SLC8B1: variants seen among roughly 807,000 people sequenced by gnomAD.
The protein encoded by SLC8B1 is solute carrier family 8 member B1.
Under a neutral mutation model 63.4 loss-of-function variants are expected in SLC8B1, and 52 were observed. The ratio of observed to expected loss-of-function variants is 0.82; its 90% CI spans 0.66 to 1.03. The LOEUF (loss-of-function observed/expected upper bound fraction) is 1.03, where lower values mean the gene tolerates loss of function less well. Among genes scored for constraint, SLC8B1 ranks in the 50% least tolerant of loss-of-function variants. SLC8B1 has a pLI of 0.00. For missense variants in SLC8B1, 657 were observed against 741.7 expected, an observed-to-expected ratio of 0.89 and a Z score of 1.33; for synonymous variants, 336 against 323.9, an observed-to-expected ratio of 1.04 and a Z score of -0.40.
At chr12:113,306,117 A>C (rs1189151457) in intron 14 of SLC8B1, among the ~76,000 whole-genome samples, 1 of 150,898 alleles carries the variant, frequency 6.6e-6, no homozygotes, top group Non-Finnish European at 1.5e-5. Flanking sequence ...CCTTTTAGAA[A>C]AAGTCTGCCA....
At chr12:113,312,182 C>T (rs1261575469) in intron 11 of SLC8B1, among the ~76,000 whole-genome samples, 1 of 152,028 alleles carries the variant, frequency 6.6e-6, no homozygotes, top group East Asian at 1.9e-4. Context: ...ACCTATAATC[C>T]CAGCACTTTG....
chr12:113,319,552 C>T (rs1301457046), intron 7 of SLC8B1, among the ~76,000 whole-genome samples: 3 of 152,178 alleles, frequency 2.0e-5, no homozygotes, highest in Non-Finnish European at 4.4e-5. Flanking sequence ...TCACTGGGCT[C>T]CACCACCCCC....
At position 113,305,431 on chromosome 12, in the gene SLC8B1, G is replaced by T. The variant is rs1956657172; in HGVS notation, c.1493-1046C>A. 6.6e-6 allele frequency among the ~76,000 whole-genome samples: 1 copy of T among 152,248 alleles called. No homozygotes were observed. Among genetic ancestry groups the T allele is most frequent in the African/African-American group, 2.4e-5 (1 of 41,472 alleles). On this transcript the variant is annotated intron_variant, in intron 14 of 15. Transcript: ENST00000680972. This position sits in a 1 kb window ranked among gnomAD's most constrained non-coding sequence, Gnocchi z 4.3. Reference sequence around the variant, plus strand: ...GAGAGAGCGGCCCTTCAGGCACTTTGTGATCATCTTTCTTTCTTTAGCAGC... The same window carrying T: ...GAGAGAGCGGCCCTTCAGGCACTTTTTGATCATCTTTCTTTCTTTAGCAGC...
intron 2 of SLC8B1, among the ~76,000 whole-genome samples, chr12:113,329,080 C>T (rs1056174727): frequency 2.0e-5 from 3 of 152,160 alleles, no homozygotes; most frequent in Admixed American, 6.6e-5. Flanking sequence ...ATATCTGCCC[C>T]TCCCACTAAA....
rs1956904758 is a variant in SLC8B1, at chr12:113,320,374, G to A, written c.651C>T (p.Phe217=). 1 of 1,614,064 alleles carries A rather than the reference G, an allele frequency of 6.2e-7. No homozygotes were observed. Among genetic ancestry groups the A allele is most frequent in the South Asian group, 1.1e-5 (1 of 91,086 alleles). ...VFYMVAVFLT[F]LMLFRGRVTL... ...TGACCCTGCCACGGAAGAGCATGAG[G>A]AAGGTCAGGAACACAGCCACCATGT... is the stretch of plus-strand genomic sequence containing the variant. Residue 217 remains phenylalanine (F), a synonymous_variant, in exon 7 of 16, where the codon TTC becomes TTT. Coordinates refer to ENST00000680972, the MANE Select transcript of SLC8B1 (RefSeq NM_001358345.2). The surrounding 1 kb of genome is among the most constrained non-coding windows in gnomAD (Gnocchi z 5.3).
At chr12:113,306,864 A>G (rs1593239402) in intron 13 of SLC8B1, 1 of 464,834 alleles carries the variant, frequency 2.2e-6, no homozygotes, top group East Asian at 3.2e-5. Context: ...TAATCCCAGC[A>G]CTTTGGGAGG....
intron 13 of SLC8B1, 104 bp from the exon 14 acceptor site, chr12:113,306,679 A>C (rs1455031812): frequency 1.1e-6 from 1 of 928,324 alleles, no homozygotes; most frequent in Non-Finnish European, 1.7e-6. Context: ...CAACAAACAC[A>C]GATGGATGCC....
chr12:113,325,008 C>G (rs985539713), intron 2 of SLC8B1, among the ~76,000 whole-genome samples: 1 of 152,020 alleles, frequency 6.6e-6, no homozygotes, highest in East Asian at 1.9e-4. Flanking sequence ...CCAACCAGCT[C>G]TACCATCTAA....
At chr12:113,318,860 A>T (rs1317484258) in intron 8 of SLC8B1, 104 bp downstream of exon 8, 1 of 808,328 alleles carries the variant, frequency 1.2e-6, no homozygotes, top group Non-Finnish European at 2.1e-6. Flanking sequence ...AGAGGAGATG[A>T]GCTTGGTGGG....
rs890645197 is a variant in SLC8B1, at chr12:113,316,415, G to A, written c.993+111C>T. On this transcript the variant is annotated intron_variant, in intron 10 of 15. Transcript: ENST00000680972. ...TCAAATCACAAGTCATGTATTCTGA[G>A]AGGGTCTCAGTGGACCCCAGGCCCT... The A allele has an allele frequency of 8.9e-6, 12 of 1,347,474 alleles. No individual in the cohort carries two copies. The African/African-American group carries it at 1.6e-4, about 18-fold the overall frequency. The allele number at this position is 1,347,474 out of a possible 1,614,324, so 83.5% of individuals were successfully genotyped here.
At chr12:113,323,999 A>G (rs1381602279) in intron 2 of SLC8B1, among the ~76,000 whole-genome samples, 1 of 152,140 alleles carries the variant, frequency 6.6e-6, no homozygotes, top group Non-Finnish European at 1.5e-5. Context: ...GTCCTCAGAA[A>G]GCACATGCCA....
chr12:113,299,904 A>G lies in SLC8B1; in HGVS notation c.1628T>C (p.Val543Ala), dbSNP rs1168779781. Residue 543 changes from valine to alanine, a missense_variant, in exon 16 of 16, where the codon GTC (valine) becomes GCC (alanine). By Grantham distance (64) the Val-to-Ala change is moderately conservative. Coordinates refer to ENST00000680972, the MANE Select transcript of SLC8B1 (RefSeq NM_001358345.2). ...CTGGAAGCACTGCAATGGGACTGAG[A>G]CCAGGGAGAAGACGAGGCTGAGCCC... is the stretch of plus-strand genomic sequence containing the variant. ...ALGLSLVFSL[V>A]SVPLQCFQLS... 6 of 1,614,100 alleles carry G rather than the reference A, an allele frequency of 3.7e-6. No homozygotes were observed. In the African/African-American group the frequency reaches 8.0e-5, roughly 22 times the overall value.
chr12:113,316,039 A>G (rs907874889), intron 10 of SLC8B1, among the ~76,000 whole-genome samples: 7 of 152,114 alleles, frequency 4.6e-5, no homozygotes, highest in Non-Finnish European at 8.8e-5. Flanking sequence ...CCTGGCTAAC[A>G]CGGTGAAACC....
chr12:113,312,756 T>A (rs994702856), intron 11 of SLC8B1, among the ~76,000 whole-genome samples: 1 of 152,158 alleles, frequency 6.6e-6, no homozygotes, highest in African/African-American at 2.4e-5. Flanking sequence ...GGAAAGGGAT[T>A]CCTTCTTCAG....
At chr12:113,307,110 C>CAAAAAAAAAAAAAAAAAA (rs67032040) in intron 13 of SLC8B1, among the ~76,000 whole-genome samples, 1 of 18,172 alleles carries the variant, frequency 5.5e-5, no homozygotes, top group Non-Finnish European at 1.1e-4. Flanking sequence ...GCCTCCATCT[C>CAAAAAAAAAAAAAAAAAA]AAAAAAAAAA....
At chr12:113,302,546 A>G (rs1956603253) in intron 15 of SLC8B1, 1 of 443,696 alleles carries the variant, frequency 2.3e-6, no homozygotes, top group South Asian at 1.6e-5. Flanking sequence ...CAAGCAGTAC[A>G]GAAGAGTAAA....
intron 9 of SLC8B1, 53 bp downstream of exon 9, chr12:113,316,889 C>A: frequency 6.3e-7 from 1 of 1,591,076 alleles, no homozygotes; most frequent in East Asian, 2.2e-5. Flanking sequence ...TCTTTCCACC[C>A]CCAGCCTTTC....
Position 113,304,382 on chromosome 12 carries a change from A to G in SLC8B1, c.1496T>C (p.Ile499Thr). ...GCAGCCCAGCCCCACACCCACGAGG[A>G]TGTCTGCAGCCCAGCTCAGGAAGCT... The part of the protein sequence containing the change: ...SACFGGIIFN[I>T]LVGVGLGCLL... Residue 499 changes from isoleucine to threonine, a missense_variant, in exon 15 of 16, where the codon ATC (isoleucine) becomes ACC (threonine). By Grantham distance (89) the Ile-to-Thr change is moderately conservative (BLOSUM62 -1). Coordinates refer to ENST00000680972, the MANE Select transcript of SLC8B1 (RefSeq NM_001358345.2). 5 of 1,613,864 alleles carry G rather than the reference A, an allele frequency of 3.1e-6. No homozygotes were observed. The highest frequency in any genetic ancestry group is 4.2e-6 in the Non-Finnish European group (5 of 1,179,872).
chr12:113,316,458 A>T, intron 10 of SLC8B1, 68 bp downstream of exon 10: 1 of 1,563,646 alleles, frequency 6.4e-7, no homozygotes, highest in Non-Finnish European at 8.7e-7. Flanking sequence ...GTAGAGCTGG[A>T]GAGGGTAGCG....
Sources: gnomAD v4.1 joint callset for allele counts (sites outside exome capture counted in the v4.1 genomes callset) on GRCh38, gnomAD v4.1.1 for gene constraint, Gnocchi (gnomAD v3.1) non-coding constraint, MANE v1.5 for transcripts, NCBI Gene and HGNC (gene_info 2026-07-23, HGNC 2026-07-21) for gene names.